Variants in ZNF560 observed in about 807,000 individuals in gnomAD.
The protein encoded by ZNF560 is zinc finger protein 560.
Under a neutral mutation model 81.8 loss-of-function variants are expected in ZNF560, and 54 were observed. The ratio of observed to expected loss-of-function variants is 0.66; its 90% confidence interval spans 0.53 to 0.83. The LOEUF (loss-of-function observed/expected upper bound fraction) is 0.83. Among genes scored for constraint, ZNF560 ranks in the 40% least tolerant of loss-of-function variants. The pLI is 0.00. For synonymous variants in ZNF560, 321 were observed against 317.9 expected (o/e 1.01, Z -0.10); for missense variants, 940 against 932.4 (o/e 1.01, Z -0.11).
In ZNF560 at chr19:9,467,487, C is replaced by T. The variant is rs898388171; in HGVS notation, c.1460G>A (p.Arg487His). ...EDRRSNTGQK[R>H]FDCDQCGKVF... ...TTTCCCACACTGGTCACAATCAAAGCGTTTCTGTCCTGTGTTACTTCTTCT... is the reference window on the plus strand; with the variant it reads ...TTTCCCACACTGGTCACAATCAAAGTGTTTCTGTCCTGTGTTACTTCTTCT... The change falls in exon 10 of 10, where the codon CGC (arginine) becomes CAC (histidine). Residue 487 changes from arginine (R) to histidine (H), a missense_variant. Transcript: ENST00000301480. The T allele has an allele frequency of 2.5e-6, 4 of 1,613,952 alleles. No individual in the cohort carries two copies. The highest frequency in any genetic ancestry group is 1.7e-5 in the Admixed American group (1 of 60,002).
the ZNF560 span, among the ~76,000 whole-genome samples, chr19:9,451,138 A>G: frequency 6.6e-6 from 1 of 152,300 alleles, no homozygotes; most frequent in African/African-American, 2.4e-5. Flanking sequence ...TAAAATTTAT[A>G]CAGAACTGAA....
At chr19:9,465,484 C>A (rs746078672), downstream of ZNF560, among the ~76,000 whole-genome samples, 6 of 152,170 alleles carry the variant, frequency 3.9e-5, no homozygotes, top group Admixed American at 2.0e-4. Context: ...TGAACTCTTA[C>A]ACAGTGTATT....
At chr19:9,503,295 A>G (rs999151008), upstream of ZNF560, among the ~76,000 whole-genome samples, 1 of 152,024 alleles carries the variant, frequency 6.6e-6, no homozygotes, top group Non-Finnish European at 1.5e-5. Context: ...TGTCCTGTCC[A>G]TTTTTGTTTT....
At chr19:9,491,116 T>A (rs2073465831) in intron 2 of ZNF560, among the ~76,000 whole-genome samples, 1 of 151,980 alleles carries the variant, frequency 6.6e-6, no homozygotes, top group African/African-American at 2.4e-5. Context: ...AAAGTTGGTT[T>A]TGTTTTGTTT....
the ZNF560 span, among the ~76,000 whole-genome samples, chr19:9,506,414 GTTT>G: frequency 3.5e-3 from 487 of 138,572 alleles, 3 homozygotes; most frequent in African/African-American, 5.5e-3. Flanking sequence ...CGCTTCTGTT[GTTT>G]TTTTTTTTTT....
intron 7 of ZNF560, among the ~76,000 whole-genome samples, 176 bp downstream of exon 7, chr19:9,470,216 C>T (rs2073099124): frequency 6.6e-6 from 1 of 152,054 alleles, no homozygotes; most frequent in Non-Finnish European, 1.5e-5. Context: ...AGATTAAAAC[C>T]CATTAGTACA....
chr19:9,485,737 G>A (rs1374385967), intron 2 of ZNF560, among the ~76,000 whole-genome samples: 3 of 151,840 alleles, frequency 2.0e-5, no homozygotes, highest in African/African-American at 4.8e-5. Flanking sequence ...TAGAGACAGG[G>A]TTTGGCCACA....
chr19:9,460,261 G>A, the ZNF560 span, among the ~76,000 whole-genome samples: 12 of 152,178 alleles, frequency 7.9e-5, no homozygotes, highest in Non-Finnish European at 1.0e-4. Context: ...ATCGAAAGCA[G>A]CCACCTACCT....
At position 9,467,201 on chromosome 19, in the gene ZNF560, A is replaced by C. The variant is rs1454402554; in HGVS notation, c.1746T>G (p.Thr582=). The change falls in exon 10 of 10, where the codon ACT becomes ACG. Residue 582 remains threonine (T), a synonymous_variant. Coordinates refer to ENST00000301480, the MANE Select transcript of ZNF560 (RefSeq NM_152476.3). The part of the protein sequence containing the change: ...YECMKCGKAF[T]ERSYLTKHLR... ...AATGTTTAGTAAGGTATGAGCGCTC[A>C]GTGAAGGCTTTCCCACATTTCATAC... is the stretch of plus-strand genomic sequence containing the variant. The C allele has an allele frequency of 6.2e-7, 1 of 1,614,128 alleles. No homozygotes were observed. Among genetic ancestry groups the C allele is most frequent in the South Asian group, 1.1e-5 (1 of 91,074 alleles).
At chr19:9,475,823 T>C (rs189480398) in intron 2 of ZNF560, among the ~76,000 whole-genome samples, 117 of 152,118 alleles carry the variant, frequency 7.7e-4, no homozygotes, top group African/African-American at 2.7e-3. Context: ...ACCCAGGATG[T>C]TCTCCATCTC....
intron 2 of ZNF560, among the ~76,000 whole-genome samples, chr19:9,479,381 T>C (rs1282553072): frequency 6.7e-6 from 1 of 149,534 alleles, no homozygotes; most frequent in Non-Finnish European, 1.5e-5. Flanking sequence ...ATACATAAAT[T>C]AAAAACAAAA....
chr19:9,473,105 C>G (rs1379565432), intron 5 of ZNF560, 74 bp downstream of exon 5: 2 of 1,235,270 alleles, frequency 1.6e-6, no homozygotes, highest in African/African-American at 3.0e-5. Context: ...TCTTGCAACA[C>G]AAGAACAGAC....
intron 2 of ZNF560, among the ~76,000 whole-genome samples, chr19:9,496,810 C>A (rs2073566463): frequency 6.6e-6 from 1 of 151,760 alleles, no homozygotes; most frequent in Non-Finnish European, 1.5e-5. Flanking sequence ...GTGGCACGTG[C>A]CTGAAATCCC....
rs144398067 is a variant in ZNF560 at position 9,473,407 on chromosome 19, G to A, written c.158-148C>T. On this transcript the variant is annotated intron_variant, in intron 4 of 9. Coordinates refer to ENST00000301480, the MANE Select transcript of ZNF560 (RefSeq NM_152476.3). ...ATCAGCCTAAGATGGTGAAACCCCC[G>A]TCTCTACTAAAAATACAAAAATTAG... 9.9e-4 allele frequency: 557 copies of A among 565,448 alleles called. 2 individuals carry two copies. The highest frequency in any genetic ancestry group is 9.2e-3 in the African/African-American group (473 of 51,428). 35.0% of individuals were successfully genotyped at this position (565,448 alleles called of 1,614,324 possible). A position where few individuals can be genotyped will look rare whatever the true frequency, so the allele number is the denominator to read the frequency against.
intron 4 of ZNF560, 36 bp from the exon 5 acceptor site, chr19:9,473,295 C>T: frequency 1.3e-6 from 2 of 1,547,010 alleles, no homozygotes; most frequent in South Asian, 2.4e-5. Flanking sequence ...ATGGAAGAGG[C>T]TCAGGCCAGG....
downstream of ZNF560, among the ~76,000 whole-genome samples, chr19:9,464,342 C>T (rs2072981894): frequency 6.6e-6 from 1 of 152,162 alleles, no homozygotes; most frequent in African/African-American, 2.4e-5. Flanking sequence ...GACTGCTTTG[C>T]CAAACAGTGG....
intron 2 of ZNF560, among the ~76,000 whole-genome samples, chr19:9,496,968 A>G (rs1392373516): frequency 6.6e-6 from 1 of 152,020 alleles, no homozygotes; most frequent in East Asian, 1.9e-4. Flanking sequence ...TGTCATTTTC[A>G]ACAACGTAGA....
chr19:9,458,031 G>A, the ZNF560 span, among the ~76,000 whole-genome samples: 57 of 152,252 alleles, frequency 3.7e-4, no homozygotes, highest in Middle Eastern at 3.4e-3. Context: ...ATCTTGTGGC[G>A]TAGCTTTTCC....
intron 2 of ZNF560, among the ~76,000 whole-genome samples, chr19:9,484,369 CAT>C (rs994615303): frequency 1.6e-4 from 25 of 151,868 alleles, no homozygotes; most frequent in Non-Finnish European, 2.8e-4. Context: ...AGCCACTAGA[CAT>C]GTGTGGCTAC....
Sources: allele counts gnomAD v4.1 joint callset (sites outside exome capture counted in the v4.1 genomes callset), GRCh38; gene constraint gnomAD v4.1.1; transcripts MANE v1.5; gene names NCBI Gene and HGNC (gene_info 2026-07-23, HGNC 2026-07-21).